Variants in TNRC6A observed in about 807,000 individuals in gnomAD.
The protein encoded by TNRC6A is trinucleotide repeat-containing gene 6A protein.
A neutral mutation model predicts 221.2 loss-of-function variants in TNRC6A; 44 were observed. That is an observed-to-expected ratio of 0.20 (90% CI 0.16 to 0.26). The LOEUF is 0.26. Among genes scored for constraint, TNRC6A ranks in the 10% least tolerant of loss-of-function variants. The probability of loss-of-function intolerance (pLI) is 1.00; values close to 1 mark genes in which losing one functional copy is unlikely to be tolerated. For missense variants in TNRC6A, 2,199 were observed against 2,404.4 expected (o/e 0.91, Z 1.79); for synonymous variants, 847 against 838.5 (o/e 1.01, Z -0.18).
intron 2 of TNRC6A, among the ~76,000 whole-genome samples, chr16:24,672,248 A>G (rs932189860): frequency 2.0e-5 from 3 of 151,546 alleles, no homozygotes; most frequent in African/African-American, 7.3e-5. Context: ...CAGCCTCCCC[A>G]GCAGCTGGGA....
At chr16:24,682,641 A>C (rs2055555077) in intron 2 of TNRC6A, among the ~76,000 whole-genome samples, 1 of 152,182 alleles carries the variant, frequency 6.6e-6, no homozygotes, top group South Asian at 2.1e-4. Flanking sequence ...GGCCAAGGGG[A>C]AGAATGACCA....
chr16:24,634,532 G>A (rs1901525055), intron 1 of TNRC6A, among the ~76,000 whole-genome samples: 2 of 152,054 alleles, frequency 1.3e-5, no homozygotes, highest in South Asian at 2.1e-4. Context: ...TTATCACTAG[G>A]ACTATAAAAA....
At position 24,791,232 on chromosome 16, in the gene TNRC6A, A is replaced by G. The variant is rs951085524; in HGVS notation, c.2590A>G (p.Asn864Asp). The G allele has an allele frequency of 6.2e-7, 1 of 1,614,214 alleles. No individual in the cohort carries two copies. The highest frequency in any genetic ancestry group is 8.5e-7 in the Non-Finnish European group (1 of 1,180,032). The change falls in exon 6 of 25, where the codon AAC (asparagine) becomes GAC (aspartate). Residue 864 changes from asparagine (N) to aspartate (D), a missense_variant. Coordinates refer to ENST00000395799, the MANE Select transcript of TNRC6A (RefSeq NM_014494.4). ...SDNWGETSRN[N>D]HWGEANKKSS... Reference sequence around the variant, plus strand: ...TAACTGGGGAGAAACTTCAAGGAATAACCATTGGGGTGAGGCCAATAAGAA... The same window carrying G: ...TAACTGGGGAGAAACTTCAAGGAATGACCATTGGGGTGAGGCCAATAAGAA...
intron 2 of TNRC6A, among the ~76,000 whole-genome samples, chr16:24,694,281 C>T (rs191649007): frequency 6.6e-6 from 1 of 152,250 alleles, no homozygotes; most frequent in Admixed American, 6.5e-5. Context: ...CCGACCTCAG[C>T]ACAATAGCAG....
intron 11 of TNRC6A, among the ~76,000 whole-genome samples, chr16:24,798,901 T>G (rs2058273627): frequency 2.6e-5 from 4 of 152,180 alleles, no homozygotes; most frequent in Non-Finnish European, 5.9e-5. Context: ...AGTAACTCAG[T>G]GAGGACTGAC....
intron 21 of TNRC6A, 133 bp from the exon 22 acceptor site, chr16:24,820,006 A>T: frequency 1.3e-6 from 1 of 785,656 alleles, no homozygotes; most frequent in Non-Finnish European, 2.0e-6. Flanking sequence ...TTGGCAGTTT[A>T]GTTGATTTGG....
chr16:24,696,216 C>T (rs561388676), intron 2 of TNRC6A, among the ~76,000 whole-genome samples: 17 of 151,830 alleles, frequency 1.1e-4, no homozygotes, highest in African/African-American at 2.9e-4. Flanking sequence ...GGCGTGGTGG[C>T]GGGCGCCTGT....
intron 1 of TNRC6A, among the ~76,000 whole-genome samples, chr16:24,639,793 T>C (rs1228349614): frequency 6.6e-6 from 1 of 152,068 alleles, no homozygotes. Flanking sequence ...CTTACAGACA[T>C]GCACCACCAC....
At chr16:24,634,029 G>A (rs956337057) in intron 1 of TNRC6A, among the ~76,000 whole-genome samples, 5 of 150,984 alleles carry the variant, frequency 3.3e-5, no homozygotes, top group African/African-American at 7.3e-5. Context: ...TGATCCTCCC[G>A]CTTCAGCCCC....
chr16:24,673,109 G>A (rs1254236875), intron 2 of TNRC6A, among the ~76,000 whole-genome samples: 1 of 152,124 alleles, frequency 6.6e-6, no homozygotes, highest in East Asian at 1.9e-4. Flanking sequence ...GGAGGCAGAT[G>A]TGGAAGAATT....
Position 24,777,054 on chromosome 16 carries a change from A to T in TNRC6A, c.285A>T (p.Pro95=), listed in dbSNP as rs573912317. ...GAGCTACAGCCAACAATCAGCAGCCACAGCAGCAGCAGCAACAGCAGCAGC... is the reference window on the plus strand; with the variant it reads ...GAGCTACAGCCAACAATCAGCAGCCTCAGCAGCAGCAGCAACAGCAGCAGC... ...AKRATANNQQ[P]QQQQQQQQPQ... is the part of the protein sequence containing the mutation. Residue 95 remains proline, a synonymous_variant, in exon 5 of 25, where the codon CCA becomes CCT. Transcript: ENST00000395799. The T allele has an allele frequency of 1.2e-6, 2 of 1,612,640 alleles. No homozygotes were observed. The highest frequency in any genetic ancestry group is 2.7e-5 in the African/African-American group (2 of 74,816).
At chr16:24,743,523 C>T (rs1358188191) in intron 2 of TNRC6A, among the ~76,000 whole-genome samples, 1 of 150,754 alleles carries the variant, frequency 6.6e-6, no homozygotes, top group Non-Finnish European at 1.5e-5. Flanking sequence ...CAGGGTTTTG[C>T]CATGTTGCCC....
At chr16:24,676,750 G>A (rs911181480) in intron 2 of TNRC6A, among the ~76,000 whole-genome samples, 3 of 152,034 alleles carry the variant, frequency 2.0e-5, no homozygotes, top group Admixed American at 6.6e-5. Context: ...TACTGCACCC[G>A]GCCAAGACTT....
intron 2 of TNRC6A, among the ~76,000 whole-genome samples, chr16:24,660,310 A>C (rs1365078518): frequency 1.3e-5 from 2 of 151,992 alleles, no homozygotes; most frequent in Admixed American, 6.6e-5. Flanking sequence ...GCTCCCACTT[A>C]TGAGTGAGAA....
At chr16:24,741,898 G>A (rs934120664) in intron 2 of TNRC6A, among the ~76,000 whole-genome samples, 6 of 152,116 alleles carry the variant, frequency 3.9e-5, no homozygotes, top group Admixed American at 6.5e-5. Context: ...ATACAGTGGC[G>A]TGATCGTGGC....
At chr16:24,623,534 G>A (rs1900795756) in intron 1 of TNRC6A, among the ~76,000 whole-genome samples, 1 of 152,042 alleles carries the variant, frequency 6.6e-6, no homozygotes, top group Non-Finnish European at 1.5e-5. Flanking sequence ...GATGTCGGCA[G>A]GGCCCACTAC....
At chr16:24,708,911 T>C (rs1197415079) in intron 2 of TNRC6A, among the ~76,000 whole-genome samples, 1 of 152,166 alleles carries the variant, frequency 6.6e-6, no homozygotes, top group Non-Finnish European at 1.5e-5. Flanking sequence ...AGTGGGCATT[T>C]AGGTTGGTTC....
At position 24,805,625 on chromosome 16, in the gene TNRC6A, G is replaced by A. The variant is rs2058414856; in HGVS notation, c.4143G>A (p.Lys1381=). The change falls in exon 15 of 25, where the codon AAG becomes AAA. Residue 1381 remains lysine (K), a synonymous_variant. Transcript: ENST00000395799. ...CTAAGGTTCCAGTTTCATTGCTGAA[G>A]TATGCACCAAACAACGGTGGCCTGA... ...LSPQVPVSLL[K]YAPNNGGLNP... The A allele has an allele frequency of 2.5e-6, 4 of 1,614,224 alleles. No individual in the cohort carries two copies. In the African/African-American group the frequency reaches 5.3e-5, roughly 22 times the overall value.
intron 14 of TNRC6A, 139 bp downstream of exon 14, chr16:24,805,290 T>A: frequency 8.0e-7 from 1 of 1,249,690 alleles, no homozygotes; most frequent in Non-Finnish European, 1.1e-6. Context: ...AATTAACTAT[T>A]AAAAAAGGTT....
Sources: gnomAD v4.1 joint callset for allele counts (sites outside exome capture counted in the v4.1 genomes callset) on GRCh38, gnomAD v4.1.1 for gene constraint, MANE v1.5 for transcripts, NCBI Gene and HGNC (gene_info 2026-07-23, HGNC 2026-07-21) for gene names.